Variants in IFI44L observed in about 807,000 individuals in gnomAD.
The protein encoded by IFI44L is interferon induced protein 44 like.
IFI44L carries 40 observed loss-of-function variants against 39.3 expected under a neutral mutation model. That is an observed-to-expected ratio of 1.02 (90% confidence interval 0.79 to 1.33). The LOEUF (loss-of-function observed/expected upper bound fraction) is 1.33, where lower values mean the gene tolerates loss of function less well. Among genes scored for constraint, IFI44L ranks in the 40% most tolerant of loss-of-function variants. The pLI, the probability that IFI44L is intolerant of heterozygous loss-of-function variation, is 0.00. For synonymous variants in IFI44L, 198 were observed against 182.3 expected (o/e 1.09, Z -0.69); for missense variants, 623 against 549.0 (o/e 1.13, Z -1.35).
chr1:78,636,928 AAG>A (rs1030957267), intron 5 of IFI44L, 102 bp from the exon 6 acceptor site: 1 of 809,914 alleles, frequency 1.2e-6, no homozygotes, highest in African/African-American at 1.8e-5. Context: ...GCTGAGGAGA[AAG>A]AGGGAGATCA....
At chr1:78,640,979 C>T in intron 6 of IFI44L, 42 bp from the exon 7 acceptor site, 1 of 1,372,206 alleles carries the variant, frequency 7.3e-7, no homozygotes. Context: ...TGACACATTG[C>T]TATTTATGAT....
chr1:78,639,480 T>G (rs1653076292), intron 6 of IFI44L, among the ~76,000 whole-genome samples: 1 of 152,044 alleles, frequency 6.6e-6, no homozygotes, highest in Admixed American at 6.6e-5. Context: ...AAAATTTTCC[T>G]TTTTGCTGGC....
At chr1:78,620,915 G>A (rs1295112278) in intron 1 of IFI44L, 1 of 152,028 alleles carries the variant, frequency 6.6e-6, no homozygotes, top group Non-Finnish European at 1.5e-5. Context: ...GCTACTCTCT[G>A]CCTCCATGAA....
chr1:78,637,551 T>A (rs1252789349), intron 6 of IFI44L, among the ~76,000 whole-genome samples: 2 of 152,124 alleles, frequency 1.3e-5, no homozygotes, highest in African/African-American at 4.8e-5. Context: ...ATCACATGTG[T>A]AAGTTTATGT....
At chr1:78,621,995 C>G in intron 1 of IFI44L, among the ~76,000 whole-genome samples, 1 of 152,068 alleles carries the variant, frequency 6.6e-6, no homozygotes, top group Non-Finnish European at 1.5e-5. Flanking sequence ...CATAGTCACT[C>G]TACTTTGTTG....
In IFI44L at chr1:78,644,861, C is replaced by A. The variant is rs1046297617; in HGVS notation, c.*3052C>A. On this transcript the variant is annotated 3_prime_UTR_variant, in exon 9 of 9. Coordinates refer to ENST00000370751, the MANE Select transcript of IFI44L (RefSeq NM_006820.4). The stretch of plus-strand genomic sequence containing the variant: ...CTAGAGCCTCTGTGGTGTGAATGGG[C>A]ACGTTAGGTTGTTGCATTAGAAAGT... 6.6e-6 allele frequency: 1 copy of A among 152,110 alleles called. No individual in the cohort carries two copies. Among genetic ancestry groups the A allele is most frequent in the African/African-American group, 2.4e-5 (1 of 41,402 alleles). The allele number at this position is 152,110 out of a possible 1,614,324, so 9.4% of individuals were successfully genotyped here.
rs77839586 is a variant in IFI44L, at chr1:78,642,003, C to T, written c.*194C>T. 4 of 635,734 alleles carry T rather than the reference C, an allele frequency of 6.3e-6. No individual in the cohort carries two copies. Among genetic ancestry groups the T allele is most frequent in the African/African-American group, 1.8e-5 (1 of 54,556 alleles). 39.4% of individuals were successfully genotyped at this position (635,734 alleles called of 1,614,324 possible). ...CTAAGATAGGTCCTACTGCAAACCA[C>T]CCCTCCATATTTCCGTACCATTTAC... is the stretch of plus-strand genomic sequence containing the variant. On this transcript the variant is annotated 3_prime_UTR_variant, in exon 9 of 9. Coordinates refer to ENST00000370751, the MANE Select transcript of IFI44L (RefSeq NM_006820.4).
intron 1 of IFI44L, among the ~76,000 whole-genome samples, chr1:78,621,665 CTGTA>C (rs1404303419): frequency 2.6e-5 from 4 of 151,828 alleles, no homozygotes; most frequent in African/African-American, 7.3e-5. Flanking sequence ...TTATGGTTTT[CTGTA>C]TGTGTGTATA....
chr1:78,640,994 A>T, intron 6 of IFI44L, 27 bp from the exon 7 acceptor site: 1 of 1,490,422 alleles, frequency 6.7e-7, no homozygotes, highest in Non-Finnish European at 9.3e-7. Context: ...TATGATATAA[A>T]ATAACTGATT....
Position 78,628,325 on chromosome 1 carries a change from C to G in IFI44L, c.410C>G (p.Thr137Arg), listed in dbSNP as rs368148538. ...DNKIYLDKMI[T>R]RNLKLRFYGH... is the part of the protein sequence containing the mutation. ...AAAATTTATCTAGATAAAATGATAA[C>G]AAGAAACTTGAAACTAAGGTTTTAT... Residue 137 changes from threonine to arginine, a missense_variant, in exon 2 of 9, where the codon ACA (threonine) becomes AGA (arginine). By Grantham distance (71) the Thr-to-Arg change is moderately conservative. Coordinates refer to ENST00000370751, the MANE Select transcript of IFI44L (RefSeq NM_006820.4). 6 of 1,600,310 alleles carry G rather than the reference C, an allele frequency of 3.7e-6. No individual in the cohort carries two copies. Among genetic ancestry groups the G allele is most frequent in the South Asian group, 1.1e-5 (1 of 87,508 alleles).
intron 6 of IFI44L, among the ~76,000 whole-genome samples, chr1:78,639,365 G>C (rs1653069489): frequency 6.6e-6 from 1 of 152,120 alleles, no homozygotes; most frequent in Non-Finnish European, 1.5e-5. Flanking sequence ...GGTGAATTCT[G>C]TGGTGTTTGA....
At position 78,642,106 on chromosome 1, in the gene IFI44L, C is replaced by T. The variant is rs373613626; in HGVS notation, c.*297C>T. ...CTCTAATTTATTCTTCTATAACACT[C>T]TATATAGAGCTATGTGAGTACTAAT... is the stretch of plus-strand genomic sequence containing the variant. On this transcript the variant is annotated 3_prime_UTR_variant, in exon 9 of 9. Transcript: ENST00000370751. 1.3e-5 allele frequency: 6 copies of T among 467,504 alleles called. No individual in the cohort carries two copies. Among genetic ancestry groups the T allele is most frequent in the African/African-American group, 9.8e-5 (5 of 51,150 alleles). The allele number at this position is 467,504 out of a possible 1,614,324, so 29.0% of individuals were successfully genotyped here. A position where few individuals can be genotyped will look rare whatever the true frequency, so the allele number is the denominator to read the frequency against.
At chr1:78,641,238 G>A (rs1031756500) in intron 7 of IFI44L, 117 bp downstream of exon 7, 5 of 883,654 alleles carry the variant, frequency 5.7e-6, no homozygotes, top group African/African-American at 5.0e-5. Context: ...GCAGGGAAAT[G>A]AAGAATGGGA....
chr1:78,630,855 C>T (rs930301805), intron 4 of IFI44L, among the ~76,000 whole-genome samples: 1 of 151,914 alleles, frequency 6.6e-6, no homozygotes, highest in Non-Finnish European at 1.5e-5. Flanking sequence ...GAAGCCGTGG[C>T]AAGGTACGGC....
intron 5 of IFI44L, 48 bp from the exon 6 acceptor site, chr1:78,636,984 A>G: frequency 2.8e-6 from 4 of 1,444,890 alleles, no homozygotes; most frequent in Non-Finnish European, 3.9e-6. Context: ...TTAAGGGTTA[A>G]ACAGAGGCTC....
Position 78,628,153 on chromosome 1 carries a change from A to T in IFI44L, c.238A>T (p.Asn80Tyr), listed in dbSNP as rs1209338702. The T allele has an allele frequency of 6.2e-7, 1 of 1,612,476 alleles. No individual in the cohort carries two copies. Among genetic ancestry groups the T allele is most frequent in the East Asian group, 2.2e-5 (1 of 44,736 alleles). ...INLHESSTEP[N>Y]DSLWFSLQKK... ...TTTACATGAAAGTTCTACAGAGCCA[A>T]ATGATTCCCTATGGTTTTCACTTCA... Residue 80 changes from asparagine (N) to tyrosine (Y), a missense_variant, in exon 2 of 9, where the codon AAT becomes TAT. Asn to Tyr is a moderately radical substitution (Grantham distance 143, BLOSUM62 -2). Coordinates refer to ENST00000370751, the MANE Select transcript of IFI44L (RefSeq NM_006820.4).
At position 78,637,943 on chromosome 1, in the gene IFI44L, G is replaced by A. The variant is rs527578027; in HGVS notation, c.1048+740G>A. On this transcript the variant is annotated intron_variant, in intron 6 of 8. Transcript: ENST00000370751. Reference sequence around the variant, plus strand: ...GGATATAAGTTTTTATTCCTCTGGGGTACATCTCCAGAAATGTAATGCTGG... The same window carrying A: ...GGATATAAGTTTTTATTCCTCTGGGATACATCTCCAGAAATGTAATGCTGG... Among the ~76,000 whole-genome samples the A allele has an allele frequency of 5.5e-4, 83 of 152,098 alleles. No homozygotes were observed. In the East Asian group the frequency reaches 0.015, roughly 27 times the overall value.
At position 78,627,967 on chromosome 1, in the gene IFI44L, C is replaced by A. The variant is rs1179059078; in HGVS notation, c.52C>A (p.Leu18Met). The change falls in exon 2 of 9, where the codon CTG becomes ATG. Residue 18 changes from leucine (L) to methionine (M), a missense_variant. Coordinates refer to ENST00000370751, the MANE Select transcript of IFI44L (RefSeq NM_006820.4). ...GAATGATGAAAATCATCTGCGCAAG[C>A]TGCTTGGAAATGTTTCTTTGAGTCT... ...TWNDENHLRKLLGNVSLSLLY... is the reference protein window; with the variant it reads ...TWNDENHLRKMLGNVSLSLLY... 6.2e-7 allele frequency: 1 copy of A among 1,610,480 alleles called. No individual in the cohort carries two copies. Among genetic ancestry groups the A allele is most frequent in the Non-Finnish European group, 8.5e-7 (1 of 1,178,622 alleles).
intron 6 of IFI44L, among the ~76,000 whole-genome samples, chr1:78,638,480 C>A (rs369099506): frequency 6.6e-6 from 1 of 152,040 alleles, no homozygotes; most frequent in Non-Finnish European, 1.5e-5. Context: ...GTTATAGTCT[C>A]ACAATTTATT....
Sources: gnomAD v4.1 joint callset for allele counts (sites outside exome capture counted in the v4.1 genomes callset) on GRCh38, gnomAD v4.1.1 for gene constraint, MANE v1.5 for transcripts, NCBI Gene and HGNC (gene_info 2026-07-23, HGNC 2026-07-21) for gene names.